The following CFAP58 variants were observed in gnomAD, a reference collection of about 807,000 sequenced individuals.
The protein encoded by CFAP58 is cilia and flagella associated protein 58.
CFAP58 carries 88 observed loss-of-function variants against 119.5 expected under a neutral mutation model. That is an observed-to-expected ratio of 0.74 (90% confidence interval 0.62 to 0.88). The LOEUF is 0.88. CFAP58 is among the 40% of genes least tolerant of loss of function. CFAP58 has a pLI of 0.00. For missense variants in CFAP58, 990 were observed against 1,021.2 expected (o/e 0.97, Z 0.42); for synonymous variants, 365 against 366.3 (o/e 1.00, Z 0.04).
At chr10:104,374,181 C>T (rs936038231) in intron 7 of CFAP58, among the ~76,000 whole-genome samples, 3 of 151,822 alleles carry the variant, frequency 2.0e-5, no homozygotes, top group Admixed American at 1.3e-4. Flanking sequence ...CAAAAGAGGT[C>T]GGGAGTGGTG....
chr10:104,381,195 C>A (rs1288595934), intron 9 of CFAP58, among the ~76,000 whole-genome samples: 1 of 152,128 alleles, frequency 6.6e-6, no homozygotes, highest in African/African-American at 2.4e-5. Context: ...ACAAACACCA[C>A]TGGAGGAAAT....
intron 17 of CFAP58, among the ~76,000 whole-genome samples, chr10:104,451,798 C>T (rs1448051746): frequency 1.3e-5 from 2 of 152,152 alleles, no homozygotes; most frequent in African/African-American, 2.4e-5. Context: ...TGCAGTGGCA[C>T]CATCTTGGCT....
At chr10:104,361,088 G>C (rs190844009) in intron 2 of CFAP58, among the ~76,000 whole-genome samples, 14 of 152,196 alleles carry the variant, frequency 9.2e-5, no homozygotes, top group African/African-American at 2.6e-4. Context: ...TCCAACATTG[G>C]GGATTACATT....
intron 2 of CFAP58, among the ~76,000 whole-genome samples, chr10:104,361,545 CTT>C (rs1174799577): frequency 6.6e-6 from 1 of 152,142 alleles, no homozygotes; most frequent in African/African-American, 2.4e-5. Flanking sequence ...TGTGATAAAA[CTT>C]ATTTTTTTCC....
At chr10:104,409,596 C>G (rs1022411650) in intron 15 of CFAP58, among the ~76,000 whole-genome samples, 4 of 152,124 alleles carry the variant, frequency 2.6e-5, no homozygotes, top group Admixed American at 1.3e-4. Flanking sequence ...TGTCTTATTT[C>G]TCCTTCTCTC....
intron 9 of CFAP58, among the ~76,000 whole-genome samples, chr10:104,391,448 G>A (rs115692363): frequency 0.01 from 1,582 of 152,170 alleles, 15 homozygotes; most frequent in South Asian, 0.053. Flanking sequence ...TTACACTGTA[G>A]TTTCCTTGAT....
At chr10:104,354,055 C>G in intron 1 of CFAP58, 149 bp downstream of exon 1, 1 of 964,348 alleles carries the variant, frequency 1.0e-6, no homozygotes, top group African/African-American at 1.6e-5. Flanking sequence ...GCGCCTTTCT[C>G]CGTTGGCTCT....
intron 1 of CFAP58, among the ~76,000 whole-genome samples, chr10:104,357,970 C>T (rs74487271): frequency 1.6e-4 from 17 of 105,500 alleles, no homozygotes; most frequent in African/African-American, 5.2e-4. Flanking sequence ...TATATGTACA[C>T]ATATGTACAT....
intron 8 of CFAP58, among the ~76,000 whole-genome samples, chr10:104,377,540 G>C (rs1252927051): frequency 6.6e-6 from 1 of 152,112 alleles, no homozygotes; most frequent in Non-Finnish European, 1.5e-5. Flanking sequence ...TAGTTACAGG[G>C]AATTAGGGTA....
chr10:104,446,229 T>C (rs1178007332), intron 15 of CFAP58, among the ~76,000 whole-genome samples: 1 of 152,246 alleles, frequency 6.6e-6, no homozygotes, highest in African/African-American at 2.4e-5. Flanking sequence ...CAAGGGAAGA[T>C]CATCACTTTG....
the CFAP58 span, among the ~76,000 whole-genome samples, chr10:104,344,082 C>G: frequency 9.2e-5 from 14 of 152,224 alleles, no homozygotes; most frequent in African/African-American, 3.4e-4. Flanking sequence ...ACTCACATCT[C>G]TGTTTTGAAA....
At chr10:104,432,340 A>C (rs1454945975) in intron 15 of CFAP58, among the ~76,000 whole-genome samples, 2 of 152,258 alleles carry the variant, frequency 1.3e-5, no homozygotes, top group Non-Finnish European at 2.9e-5. Context: ...CAGTTCACAA[A>C]GGAAGAAATA....
intron 15 of CFAP58, among the ~76,000 whole-genome samples, chr10:104,443,367 G>A (rs1305949142): frequency 2.0e-5 from 3 of 152,166 alleles, no homozygotes; most frequent in African/African-American, 2.4e-5. Context: ...TGAGTGGGTA[G>A]CTTTTGCCCT....
In CFAP58 at chr10:104,380,225, G is replaced by A. The variant is rs1388263777; in HGVS notation, c.1365+5G>A. 6.2e-7 allele frequency: 1 copy of A among 1,612,612 alleles called. No individual in the cohort carries two copies. The highest frequency in any genetic ancestry group is 8.5e-7 in the Non-Finnish European group (1 of 1,179,248). On this transcript the variant is annotated splice_donor_5th_base_variant and intron_variant, in intron 9 of 17. Transcript: ENST00000369704. ...GCCAGTGACCTTACGCAAAAGGTAA[G>A]CTGCTCAGTGATGTTGTGGGTGGAG...
intron 7 of CFAP58, among the ~76,000 whole-genome samples, chr10:104,376,254 G>A (rs2011659716): frequency 6.6e-6 from 1 of 151,930 alleles, no homozygotes; most frequent in Non-Finnish European, 1.5e-5. Context: ...ATGGTTTGTA[G>A]GGCATGACTC....
chr10:104,450,673 A>T (rs887319294), intron 17 of CFAP58, among the ~76,000 whole-genome samples: 3 of 123,366 alleles, frequency 2.4e-5, no homozygotes, highest in Non-Finnish European at 4.9e-5. Flanking sequence ...CCTATGTTTT[A>T]TTTATTTATT....
At chr10:104,424,344 A>C (rs551537603) in intron 15 of CFAP58, among the ~76,000 whole-genome samples, 4 of 152,290 alleles carry the variant, frequency 2.6e-5, no homozygotes, top group Admixed American at 2.6e-4. Context: ...CTTTCCTCCA[A>C]TGTGTGTAGG....
intron 17 of CFAP58, among the ~76,000 whole-genome samples, chr10:104,451,519 T>C (rs1397601413): frequency 6.6e-6 from 1 of 152,234 alleles, no homozygotes; most frequent in Admixed American, 6.5e-5. Context: ...TCTGGAAACC[T>C]GCAATTTAAT....
rs759795638 is a variant in CFAP58, at chr10:104,358,506, C to T, written c.175C>T (p.Arg59Cys). The change falls in exon 2 of 18, where the codon CGT becomes TGT. Residue 59 changes from arginine to cysteine, a missense_variant. Arg to Cys is a radical substitution (Grantham distance 180). Coordinates refer to ENST00000369704, the MANE Select transcript of CFAP58 (RefSeq NM_001008723.2). ...GAAAAAGTCTTATGACAATGAAAAG[C>T]GTCTGATGGCCAAATGCAGAGAGCT... Reference protein sequence around the residue: ...VMKKSYDNEKRLMAKCRELNA... With the variant: ...VMKKSYDNEKCLMAKCRELNA... 13 of 1,613,894 alleles carry T rather than the reference C, an allele frequency of 8.1e-6. No homozygotes were observed. Among genetic ancestry groups the T allele is most frequent in the African/African-American group, 2.7e-5 (2 of 74,868 alleles).
Sources: allele counts gnomAD v4.1 joint callset (sites outside exome capture counted in the v4.1 genomes callset), GRCh38; gene constraint gnomAD v4.1.1; transcripts MANE v1.5; gene names NCBI Gene and HGNC (gene_info 2026-07-23, HGNC 2026-07-21).